CMIP: variants seen among roughly 807,000 people sequenced by gnomAD.
CMIP encodes C-Maf-inducing protein.
A neutral mutation model predicts 97.3 loss-of-function variants in CMIP; 13 were observed. The observed-to-expected ratio is 0.13, with a 90% CI of 0.09 to 0.21. CMIP has a LOEUF of 0.21. Among genes scored for constraint, CMIP ranks in the 10% least tolerant of loss-of-function variants. The probability of loss-of-function intolerance (pLI) is 1.00; values close to 1 mark genes in which losing one functional copy is unlikely to be tolerated. For missense variants in CMIP, 847 were observed against 1,024.9 expected (o/e 0.83, Z 2.37); for synonymous variants, 538 against 436.3 (o/e 1.23, Z -2.91).
intron 1 of CMIP, among the ~76,000 whole-genome samples, chr16:81,521,035 C>T (rs1354601128): frequency 6.6e-6 from 1 of 152,216 alleles, no homozygotes; most frequent in East Asian, 1.9e-4. Flanking sequence ...GCATTTTGCC[C>T]TGGAGCTTTT....
intron 1 of CMIP, among the ~76,000 whole-genome samples, chr16:81,558,152 G>A (rs115744906): frequency 2.0e-5 from 3 of 152,244 alleles, no homozygotes; most frequent in East Asian, 1.9e-4. Flanking sequence ...ATATTCCATT[G>A]TCTGTGTATG....
intron 1 of CMIP, among the ~76,000 whole-genome samples, chr16:81,558,416 A>G (rs2090811277): frequency 6.6e-6 from 1 of 152,222 alleles, no homozygotes; most frequent in Non-Finnish European, 1.5e-5. Context: ...TGGATGATAC[A>G]GCTCTTCTCC....
intron 14 of CMIP, chr16:81,697,672 C>T (rs1016507719): frequency 1.3e-5 from 2 of 152,238 alleles, no homozygotes; most frequent in East Asian, 1.9e-4. Flanking sequence ...AGTCGCTGCT[C>T]GGAAATGACG....
chr16:81,516,492 C>G (rs1401218405), intron 1 of CMIP, among the ~76,000 whole-genome samples: 1 of 152,194 alleles, frequency 6.6e-6, no homozygotes, highest in African/African-American at 2.4e-5. Context: ...ACTCCCTTCC[C>G]TGGACACTCT....
chr16:81,531,774 C>T (rs944514387), intron 1 of CMIP, among the ~76,000 whole-genome samples: 2 of 152,180 alleles, frequency 1.3e-5, no homozygotes, highest in African/African-American at 4.8e-5. Context: ...CTGGCTGATT[C>T]AAACCATGTC....
intron 1 of CMIP, among the ~76,000 whole-genome samples, chr16:81,596,971 G>A (rs2091567719): frequency 6.6e-6 from 1 of 152,192 alleles, no homozygotes; most frequent in East Asian, 1.9e-4. Context: ...TCATCTATGT[G>A]TTGTGCATAG....
intron 4 of CMIP, among the ~76,000 whole-genome samples, chr16:81,657,262 A>G (rs1293988688): frequency 6.6e-6 from 1 of 152,164 alleles, no homozygotes; most frequent in Non-Finnish European, 1.5e-5. Context: ...TCTCGGGCCC[A>G]CTCACGGAAC....
At chr16:81,678,650 C>T (rs777542720) in intron 10 of CMIP, 22 bp downstream of exon 10, 11 of 1,227,484 alleles carry the variant, frequency 9.0e-6, no homozygotes, top group Admixed American at 5.6e-5. Context: ...CCCCGCGTGC[C>T]CGCCCCCGGG....
At chr16:81,668,693 C>G (rs1464791119) in intron 7 of CMIP, among the ~76,000 whole-genome samples, 2 of 152,084 alleles carry the variant, frequency 1.3e-5, no homozygotes, top group African/African-American at 4.8e-5. Flanking sequence ...TCCCTGTCCC[C>G]TCATCATAGT....
intron 1 of CMIP, among the ~76,000 whole-genome samples, chr16:81,480,765 T>C (rs893251172): frequency 2.6e-5 from 4 of 152,242 alleles, no homozygotes; most frequent in African/African-American, 9.6e-5. Flanking sequence ...AGCCACCTTG[T>C]GCAAGGGGAC....
intron 1 of CMIP, among the ~76,000 whole-genome samples, chr16:81,570,118 C>A (rs1319788793): frequency 6.6e-6 from 1 of 152,172 alleles, no homozygotes; most frequent in East Asian, 1.9e-4. Flanking sequence ...CTTCTGCAGA[C>A]GGGCTTGTCT....
At chr16:81,672,601 C>T (rs757447893) in intron 9 of CMIP, among the ~76,000 whole-genome samples, 1 of 152,140 alleles carries the variant, frequency 6.6e-6, no homozygotes, top group Non-Finnish European at 1.5e-5. Context: ...GACAGGGTCT[C>T]ACCCTGTCAC....
chr16:81,681,541 C>T (rs191062616), intron 10 of CMIP, among the ~76,000 whole-genome samples: 5 of 152,192 alleles, frequency 3.3e-5, no homozygotes, highest in African/African-American at 7.2e-5. Flanking sequence ...GAGTGCCTGG[C>T]GCAGAGCAGA....
chr16:81,560,157 A>G (rs9940546), intron 1 of CMIP, among the ~76,000 whole-genome samples: 18 of 144,170 alleles, frequency 1.2e-4, no homozygotes, highest in South Asian at 4.4e-4. Context: ...AAAAAAAAAA[A>G]AAAAGAAAAA....
chr16:81,463,900 G>C (rs1052143823), intron 1 of CMIP: 2 of 152,252 alleles, frequency 1.3e-5, no homozygotes, highest in Non-Finnish European at 2.9e-5. Flanking sequence ...TCCACCTAAG[G>C]AAAAATGAAG....
At chr16:81,635,341 A>T (rs1011280833) in intron 3 of CMIP, among the ~76,000 whole-genome samples, 1 of 152,162 alleles carries the variant, frequency 6.6e-6, no homozygotes, top group Non-Finnish European at 1.5e-5. Context: ...GAGGGTTGGC[A>T]CACAGGACAG....
At chr16:81,701,863 A>T in intron 16 of CMIP, 63 bp downstream of exon 16, 1 of 1,598,176 alleles carries the variant, frequency 6.3e-7, no homozygotes, top group Admixed American at 1.7e-5. Flanking sequence ...CCAGGGCGGG[A>T]TGCGGGGCAG....
At chr16:81,588,342 C>G (rs915870789) in intron 1 of CMIP, among the ~76,000 whole-genome samples, 8 of 152,214 alleles carry the variant, frequency 5.3e-5, no homozygotes, top group Admixed American at 5.2e-4. Context: ...GATTAAACCT[C>G]TTTTTAAGAG....
intron 1 of CMIP, among the ~76,000 whole-genome samples, chr16:81,494,400 G>A (rs1472307769): frequency 6.6e-6 from 1 of 152,234 alleles, no homozygotes; most frequent in Non-Finnish European, 1.5e-5. Context: ...GGGTGGGAAA[G>A]AAGGCACGTG....
Sources: gnomAD v4.1 joint callset for allele counts (sites outside exome capture counted in the v4.1 genomes callset) on GRCh38, gnomAD v4.1.1 for gene constraint, MANE v1.5 for transcripts, NCBI Gene and HGNC (gene_info 2026-07-23, HGNC 2026-07-21) for gene names.